The following TTLL8 variants were observed in gnomAD, a reference collection of about 807,000 sequenced individuals.
TTLL8 encodes the protein tubulin tyrosine ligase like 8, also known as protein monoglycylase TTLL8.
TTLL8 carries 65 observed loss-of-function variants against 77.8 expected under a neutral mutation model. The observed-to-expected ratio is 0.84, with a 90% confidence interval of 0.68 to 1.03. The LOEUF (loss-of-function observed/expected upper bound fraction) is 1.03, where lower values mean the gene tolerates loss of function less well. Ranked by LOEUF, TTLL8 falls within the 50% of genes least tolerant of loss-of-function variation. TTLL8 has a pLI of 0.00. For missense variants in TTLL8, 910 were observed against 1,004.5 expected (o/e 0.91, Z 1.27); for synonymous variants, 402 against 422.8 (o/e 0.95, Z 0.60).
chr22:50,048,231 C>G (rs531240316), intron 3 of TTLL8, among the ~76,000 whole-genome samples: 6 of 152,032 alleles, frequency 3.9e-5, no homozygotes, highest in South Asian at 2.1e-4. Flanking sequence ...CAGCCGCCCC[C>G]ACCCGGTAAC....
At chr22:50,053,562 ATTTATGTTTATAAATGTT>A (rs1283133038) in intron 1 of TTLL8, among the ~76,000 whole-genome samples, 2 of 152,202 alleles carry the variant, frequency 1.3e-5, no homozygotes, top group African/African-American at 4.8e-5. Flanking sequence ...ACTTTAAAAC[ATTTATGTTTATAAATGTT>A]TATACATTTA....
chr22:50,042,371 C>A (rs760096410), intron 6 of TTLL8, among the ~76,000 whole-genome samples: 6 of 152,110 alleles, frequency 3.9e-5, no homozygotes, highest in Non-Finnish European at 5.9e-5. Context: ...GGCTGGATGG[C>A]AAGATCTTGG....
At chr22:50,029,679 C>T (rs1051422565) in intron 12 of TTLL8, among the ~76,000 whole-genome samples, 7 of 152,086 alleles carry the variant, frequency 4.6e-5, no homozygotes, top group East Asian at 1.9e-4. Context: ...TGCAGTGAGC[C>T]GAGATCGCGC....
chr22:50,035,871 C>T (rs2061332560), intron 8 of TTLL8, among the ~76,000 whole-genome samples: 1 of 152,232 alleles, frequency 6.6e-6, no homozygotes, highest in African/African-American at 2.4e-5. Context: ...GAGCCTGTGA[C>T]AGCCCTCACA....
chr22:50,047,010 C>T (rs531378776), intron 4 of TTLL8, 158 bp downstream of exon 6: 13 of 874,380 alleles, frequency 1.5e-5, no homozygotes, highest in Admixed American at 6.2e-5. Flanking sequence ...GGGTGGGCAC[C>T]GAGTGATTCT....
intron 6 of TTLL8, among the ~76,000 whole-genome samples, chr22:50,043,404 TCGG>T (rs1293509612): frequency 1.4e-4 from 13 of 90,690 alleles, no homozygotes; most frequent in Admixed American, 1.2e-3. Flanking sequence ...GAGACGTCCT[TCGG>T]TAGATGGATA....
intron 12 of TTLL8, among the ~76,000 whole-genome samples, chr22:50,023,192 A>T (rs2061214618): frequency 6.6e-6 from 1 of 152,250 alleles, no homozygotes; most frequent in African/African-American, 2.4e-5. Context: ...AGTATCAAAA[A>T]TCCATCAAAT....
chr22:50,049,948 G>A (rs1464474654), intron 2 of TTLL8, 161 bp downstream of exon 4: 6 of 735,144 alleles, frequency 8.2e-6, no homozygotes, highest in Non-Finnish European at 1.0e-5. Flanking sequence ...GACCGCCTGG[G>A]GCAGGGAGGC....
chr22:50,023,718 A>AATAAATAAATAAATAC (rs2061216979), intron 12 of TTLL8, among the ~76,000 whole-genome samples: 1 of 131,406 alleles, frequency 7.6e-6, no homozygotes, highest in African/African-American at 2.8e-5. Context: ...TAAATAAATA[A>AATAAATAAATAAATAC]ATACTTAACA....
chr22:50,035,189 A>G (rs5771127), intron 8 of TTLL8, among the ~76,000 whole-genome samples: 73,801 of 151,628 alleles, frequency 0.49, 18,651 homozygotes, highest in Non-Finnish European at 0.57. Flanking sequence ...GCAGACTCAG[A>G]GCTGTGAAGA....
rs1439785649 is a variant in TTLL8 at position 50,044,134 on chromosome 22, G to A, written c.643+1121C>T. Reference sequence around the variant, plus strand: ...GAAGTCAGGAGTTCGAGACCAGCCTGGCCAACATGGCAAAACCCCATCTCT... The same window carrying A: ...GAAGTCAGGAGTTCGAGACCAGCCTAGCCAACATGGCAAAACCCCATCTCT... On this transcript the variant is annotated intron_variant, in intron 6 of 13. Coordinates refer to ENST00000266182, the Ensembl canonical transcript of TTLL8. This position sits in a 1 kb window ranked among gnomAD's most constrained non-coding sequence, Gnocchi z 4.2. 3.3e-5 allele frequency among the ~76,000 whole-genome samples: 5 copies of A among 152,152 alleles called. No homozygotes were observed. The highest frequency in any genetic ancestry group is 4.8e-5 in the African/African-American group (2 of 41,420).
exon 12 of TTLL8, chr22:50,030,802 C>T: frequency 7.4e-7 from 1 of 1,349,008 alleles, no homozygotes; most frequent in Non-Finnish European, 9.9e-7. Flanking sequence ...AGCGGCTGCG[C>T]GTCCAACAGC....
At chr22:50,033,403 G>A in exon 10 of TTLL8, 1 of 1,365,250 alleles carries the variant, frequency 7.3e-7, no homozygotes, top group Non-Finnish European at 9.8e-7. Context: ...GTCTGCAGCT[G>A]CCAGCTCCAG....
chr22:50,040,313 T>C (rs1285188716), intron 8 of TTLL8, among the ~76,000 whole-genome samples: 2 of 137,928 alleles, frequency 1.5e-5, no homozygotes, highest in African/African-American at 2.8e-5. Context: ...ACAGCGTGGA[T>C]GGACCTCAAG....
In TTLL8 at chr22:50,050,262, G is replaced by A; in HGVS notation, c.52-15C>T. On this transcript the variant is annotated splice_polypyrimidine_tract_variant and intron_variant, in intron 1 of 13. Transcript: ENST00000266182. ...ATCTTCTTCTCCTAAAATGGCAAGAGGATATTTTATTTTATTTCAATCATT... is the reference window on the plus strand; with the variant it reads ...ATCTTCTTCTCCTAAAATGGCAAGAAGATATTTTATTTTATTTCAATCATT... The A allele has an allele frequency of 7.7e-7, 1 of 1,306,638 alleles. No individual in the cohort carries two copies. The highest frequency in any genetic ancestry group is 1.2e-5 in the South Asian group (1 of 80,968). 80.9% of individuals were successfully genotyped at this position (1,306,638 alleles called of 1,614,324 possible).
At chr22:50,031,507 G>A (rs2061292523) in intron 11 of TTLL8, 179 bp downstream of exon 12, 1 of 976,144 alleles carries the variant, frequency 1.0e-6, no homozygotes, top group African/African-American at 1.8e-5. Context: ...AGCCCCATGG[G>A]AGAGCAGGGC....
chr22:50,031,342 C>T (rs1467177430), intron 11 of TTLL8, among the ~76,000 whole-genome samples: 2 of 152,204 alleles, frequency 1.3e-5, no homozygotes, highest in Non-Finnish European at 2.9e-5. Context: ...CTGGAGGCTG[C>T]GGGCATGGAG....
intron 11 of TTLL8, among the ~76,000 whole-genome samples, chr22:50,031,180 T>C (rs957905774): frequency 6.6e-6 from 1 of 152,108 alleles, no homozygotes; most frequent in Non-Finnish European, 1.5e-5. Flanking sequence ...GCTGCTCTTT[T>C]CCCGAGTTTA....
upstream of TTLL8, among the ~76,000 whole-genome samples, chr22:50,057,178 G>C (rs1250283590): frequency 6.8e-6 from 1 of 147,938 alleles, no homozygotes; most frequent in East Asian, 2.0e-4. Flanking sequence ...TGGGAGTCAG[G>C]TCTGGGGTTG....
Sources: allele counts gnomAD v4.1 joint callset (sites outside exome capture counted in the v4.1 genomes callset), GRCh38; gene constraint gnomAD v4.1.1; non-coding constraint Gnocchi (gnomAD v3.1); transcripts MANE v1.5; gene names NCBI Gene and HGNC (gene_info 2026-07-23, HGNC 2026-07-21).